Variants in NCAM1 observed in about 807,000 individuals in gnomAD.
NCAM1 encodes the protein antigen recognized by monoclonal antibody 5.1H11.
Under a neutral mutation model 109.8 loss-of-function variants are expected in NCAM1, and 14 were observed. The observed-to-expected ratio is 0.13, with a 90% confidence interval of 0.08 to 0.20. The LOEUF is 0.20. NCAM1 is among the 10% of genes least tolerant of loss of function. The probability of loss-of-function intolerance (pLI) is 1.00; values close to 1 mark genes in which losing one functional copy is unlikely to be tolerated. For missense variants in NCAM1, 774 were observed against 1,109.9 expected (o/e 0.70, Z 4.30); for synonymous variants, 418 against 442.9 (o/e 0.94, Z 0.70).
At chr11:113,043,677 C>T (rs1953158094) in intron 1 of NCAM1, among the ~76,000 whole-genome samples, 1 of 152,182 alleles carries the variant, frequency 6.6e-6, no homozygotes, top group African/African-American at 2.4e-5. Context: ...GGAATGCCAT[C>T]ACTTTTAAGA....
chr11:112,961,825 C>A (rs535954542), intron 1 of NCAM1, among the ~76,000 whole-genome samples, 161 bp downstream of exon 1: 1 of 152,268 alleles, frequency 6.6e-6, no homozygotes, highest in Non-Finnish European at 1.5e-5. Flanking sequence ...GCTGCCCAGC[C>A]GAACCCCGCT....
intron 1 of NCAM1, among the ~76,000 whole-genome samples, chr11:113,062,404 A>C (rs542456979): frequency 6.6e-6 from 1 of 152,304 alleles, no homozygotes; most frequent in Non-Finnish European, 1.5e-5. Flanking sequence ...CAGCACGACT[A>C]ATTTTTACTG....
At chr11:113,071,300 C>G (rs2509375) in intron 1 of NCAM1, among the ~76,000 whole-genome samples, 126,474 of 152,222 alleles carry the variant, frequency 0.83, 52,895 homozygotes, top group African/African-American at 0.93. Flanking sequence ...GTAGACATAG[C>G]AAATTATTGC....
intron 1 of NCAM1, among the ~76,000 whole-genome samples, chr11:113,087,718 G>A (rs537971627): frequency 2.6e-5 from 4 of 152,174 alleles, no homozygotes; most frequent in Non-Finnish European, 4.4e-5. Context: ...GGGCTTCATA[G>A]CATAGTTCTC....
chr11:113,201,809 G>A (rs559547935), intron 1 of NCAM1, among the ~76,000 whole-genome samples: 9 of 152,316 alleles, frequency 5.9e-5, no homozygotes, highest in East Asian at 1.9e-4. Context: ...TCCTGTAGTC[G>A]TGAGGGAAGG....
At chr11:113,201,944 A>T (rs1944075441) in intron 1 of NCAM1, among the ~76,000 whole-genome samples, 1 of 152,218 alleles carries the variant, frequency 6.6e-6, no homozygotes, top group Non-Finnish European at 1.5e-5. Context: ...GCCTTACTGC[A>T]CTTGACACAG....
chr11:113,208,856 G>T (rs1204959375), intron 7 of NCAM1, among the ~76,000 whole-genome samples: 1 of 152,190 alleles, frequency 6.6e-6, no homozygotes, highest in Admixed American at 6.5e-5. Context: ...GCCAGACTTG[G>T]CATAGGCCCT....
intron 1 of NCAM1, among the ~76,000 whole-genome samples, chr11:113,095,596 C>A (rs936244543): frequency 6.6e-6 from 1 of 152,234 alleles, no homozygotes; most frequent in African/African-American, 2.4e-5. Context: ...CTCGCCAAAT[C>A]CCTTCTCCAG....
chr11:113,224,795 C>T (rs1213164856), intron 9 of NCAM1, among the ~76,000 whole-genome samples: 9 of 152,226 alleles, frequency 5.9e-5, no homozygotes, highest in African/African-American at 2.2e-4. Context: ...TGTTCTGCAG[C>T]CTCCGCTGCT....
rs567868460 is a variant in NCAM1, at chr11:113,224,291, C to T, written c.1089+2966C>T. Reference sequence around the variant, plus strand: ...CGGCACACCAGGAGATTATATCCCGCGCATGGCTCAGAGGGTCCTACGCCC... The same window carrying T: ...CGGCACACCAGGAGATTATATCCCGTGCATGGCTCAGAGGGTCCTACGCCC... On this transcript the variant is annotated intron_variant, in intron 9 of 19. Transcript: ENST00000316851. Among the ~76,000 whole-genome samples, 9 of 152,346 alleles carry T rather than the reference C, an allele frequency of 5.9e-5. No homozygotes were observed. In the East Asian group the frequency reaches 9.7e-4, roughly 16 times the overall value.
rs564852643 is a variant in NCAM1 at position 113,250,692 on chromosome 11, C to T, written c.1828+4322C>T. Among the ~76,000 whole-genome samples the T allele has an allele frequency of 1.1e-4, 16 of 152,296 alleles. No individual in the cohort carries two copies. The South Asian group carries it at 3.1e-3, about 30-fold the overall frequency. Reference sequence around the variant, plus strand: ...GAAAAGTAAAAGATTGTAATGCAAGCCCCACATTTATCACAGGTTTACGCT... The same window carrying T: ...GAAAAGTAAAAGATTGTAATGCAAGTCCCACATTTATCACAGGTTTACGCT... On this transcript the variant is annotated intron_variant, in intron 15 of 19. Coordinates refer to ENST00000316851, the MANE Select transcript of NCAM1 (RefSeq NM_181351.5).
intron 1 of NCAM1, among the ~76,000 whole-genome samples, chr11:113,128,906 GGTGTGTGTGTGTGTGT>G (rs782123739): frequency 8.5e-4 from 72 of 84,932 alleles, no homozygotes; most frequent in East Asian, 2.8e-3. Context: ...AAGTTGTGAG[GGTGTGTGTGTGTGTGT>G]GTGTGTGTGT....
At chr11:113,160,340 C>G (rs1555104136) in intron 1 of NCAM1, among the ~76,000 whole-genome samples, 1 of 152,174 alleles carries the variant, frequency 6.6e-6, no homozygotes, top group Admixed American at 6.5e-5. Flanking sequence ...CTGCTTCGCT[C>G]CAGGTTACCA....
intron 14 of NCAM1, among the ~76,000 whole-genome samples, chr11:113,237,444 G>A (rs1945197215): frequency 6.6e-6 from 1 of 152,226 alleles, no homozygotes; most frequent in Non-Finnish European, 1.5e-5. Context: ...AGTGCCAAAT[G>A]TCCTACCTCA....
Position 113,233,016 on chromosome 11 carries a change from A to C in NCAM1, c.1523-131A>C, listed in dbSNP as rs1945056583. 2 of 1,025,044 alleles carry C rather than the reference A, an allele frequency of 2.0e-6. No individual in the cohort carries two copies. The highest frequency in any genetic ancestry group is 2.9e-6 in the Non-Finnish European group (2 of 698,160). 63.5% of individuals were successfully genotyped at this position (1,025,044 alleles called of 1,614,324 possible). On this transcript the variant is annotated intron_variant, in intron 12 of 19. Transcript: ENST00000316851. The surrounding 1 kb of genome is among the most constrained non-coding windows in gnomAD (Gnocchi z 4.5). ...GGAGAAGCATCTGGTGAGATGGGCCAGGAGGACAGGATACAGTGACAGGAT... is the reference window on the plus strand; with the variant it reads ...GGAGAAGCATCTGGTGAGATGGGCCCGGAGGACAGGATACAGTGACAGGAT...
intron 4 of NCAM1, 98 bp downstream of exon 4, chr11:113,205,764 C>T: frequency 2.1e-6 from 3 of 1,460,642 alleles, no homozygotes; most frequent in Non-Finnish European, 2.8e-6. Context: ...AACTCCAATT[C>T]ATGTGTGCCC....
chr11:113,194,973 C>T (rs1025858065), intron 1 of NCAM1, among the ~76,000 whole-genome samples: 12 of 152,212 alleles, frequency 7.9e-5, no homozygotes, highest in African/African-American at 2.9e-4. Context: ...GATGGAAGGA[C>T]TGGCAGTACT....
intron 1 of NCAM1, among the ~76,000 whole-genome samples, chr11:113,105,938 G>A (rs945549343): frequency 2.6e-5 from 4 of 152,076 alleles, no homozygotes; most frequent in Non-Finnish European, 5.9e-5. Flanking sequence ...AAAATGATGA[G>A]TTTGAAAAAT....
At chr11:113,022,145 C>T (rs2135249254) in intron 1 of NCAM1, among the ~76,000 whole-genome samples, 1 of 152,262 alleles carries the variant, frequency 6.6e-6, no homozygotes, top group Non-Finnish European at 1.5e-5. Context: ...TTGATTTAAG[C>T]CAACAGGCCT....
Sources: allele counts gnomAD v4.1 joint callset (sites outside exome capture counted in the v4.1 genomes callset), GRCh38; gene constraint gnomAD v4.1.1; non-coding constraint Gnocchi (gnomAD v3.1); transcripts MANE v1.5; gene names NCBI Gene and HGNC (gene_info 2026-07-23, HGNC 2026-07-21).